Variants in DNAH10 observed in about 807,000 individuals in gnomAD.
DNAH10 encodes the protein axonemal beta dynein heavy chain 10.
A neutral mutation model predicts 506.6 loss-of-function variants in DNAH10; 348 were observed. The ratio of observed to expected loss-of-function variants is 0.69; its 90% CI spans 0.63 to 0.75. DNAH10 has a LOEUF of 0.75. Among genes scored for constraint, DNAH10 ranks in the 30% least tolerant of loss-of-function variants. The pLI is 0.00. For synonymous variants in DNAH10, 2,059 were observed against 2,198.6 expected (o/e 0.94, Z 1.78); for missense variants, 5,179 against 5,787.1 (o/e 0.89, Z 3.41).
chr12:123,924,023 C>A, intron 66 of DNAH10, 156 bp downstream of exon 66: 1 of 731,614 alleles, frequency 1.4e-6, no homozygotes, highest in Non-Finnish European at 2.2e-6. Context: ...ATCATTCCAG[C>A]CTCAGAAATG....
At chr12:123,815,737 A>G (rs1227377425) in intron 21 of DNAH10, among the ~76,000 whole-genome samples, 1 of 152,216 alleles carries the variant, frequency 6.6e-6, no homozygotes, top group Non-Finnish European at 1.5e-5. Flanking sequence ...TCAATGGGCA[A>G]TTCCATAATT....
At chr12:123,875,597 A>G (rs1001182152) in intron 47 of DNAH10, 106 bp downstream of exon 47, 15 of 1,378,260 alleles carry the variant, frequency 1.1e-5, no homozygotes, top group South Asian at 9.4e-5. Context: ...AGGGCCCTCA[A>G]TACTTTTAAG....
chr12:123,914,205 C>G (rs1954357794), intron 60 of DNAH10, 124 bp from the exon 61 acceptor site: 1 of 861,846 alleles, frequency 1.2e-6, no homozygotes, highest in Admixed American at 2.8e-5. Flanking sequence ...GAAAGAATAT[C>G]TCAAAACATG....
chr12:123,931,502 TTTGA>T lies in DNAH10; in HGVS notation c.12916+34_12916+37del, dbSNP rs1187308858. 3.7e-6 allele frequency: 6 copies of T among 1,610,498 alleles called. No individual in the cohort carries two copies. In the South Asian group the frequency reaches 4.4e-5, roughly 12 times the overall value. Reference sequence around the variant, plus strand: ...ACTCTACTCAGGAGGACTTCATTAGTTTGATTGGGGTTTTACGATTGCTTCTTGT... The same window carrying T: ...ACTCTACTCAGGAGGACTTCATTAGTTTGGGGTTTTACGATTGCTTCTTGT... On this transcript the variant is annotated intron_variant, in intron 74 of 78. Transcript: ENST00000673944.
In DNAH10 at chr12:123,857,199, G is replaced by T; in HGVS notation, c.6582G>T (p.Ala2194=). Residue 2194 remains alanine, a synonymous_variant, in exon 37 of 79, where the codon GCG becomes GCT. Transcript: ENST00000673944. ...TCCGCTACCCTGACTTCAACGATGCGGTAGAGCAGGTCCTGGAGGAGAACG... is the reference window on the plus strand; with the variant it reads ...TCCGCTACCCTGACTTCAACGATGCTGTAGAGCAGGTCCTGGAGGAGAACG... ...PRVRYPDFND[A]VEQVLEENGY... is the part of the protein sequence containing the mutation. 1.2e-6 allele frequency: 2 copies of T among 1,608,340 alleles called. No homozygotes were observed. The highest frequency in any genetic ancestry group is 1.1e-5 in the South Asian group (1 of 89,874).
intron 62 of DNAH10, among the ~76,000 whole-genome samples, chr12:123,915,941 A>G (rs908077913): frequency 1.3e-5 from 2 of 150,322 alleles, no homozygotes; most frequent in African/African-American, 2.5e-5. Context: ...TGAACAAATT[A>G]ATTATTTTCA....
At position 123,838,591 on chromosome 12, in the gene DNAH10, A is replaced by G. The variant is rs1950652259; in HGVS notation, c.5038A>G (p.Arg1680Gly). The change falls in exon 29 of 79, where the codon AGA (arginine) becomes GGA (glycine). Residue 1680 changes from arginine to glycine, a missense_variant. Physicochemically the swap from Arg to Gly is moderately radical, Grantham distance 125. This residue lies in a region of DNAH10 where 4,844 missense variants were observed against 5,430.5 expected (regional missense o/e 0.89). Transcript: ENST00000673944. ...KSLNDYLDSK[R>G]NAFPRFFFIS... ...CCTCAACGACTACTTAGATTCGAAG[A>G]GAAATGCTTTCCCAAGGTTCTTCTT... 6.2e-7 allele frequency: 1 copy of G among 1,613,936 alleles called. No homozygotes were observed. Among genetic ancestry groups the G allele is most frequent in the African/African-American group, 1.3e-5 (1 of 74,940 alleles).
chr12:123,796,045 C>A (rs1220962799), intron 12 of DNAH10, among the ~76,000 whole-genome samples: 1 of 152,086 alleles, frequency 6.6e-6, no homozygotes, highest in African/African-American at 2.4e-5. Context: ...CAAAGGTCTG[C>A]CACTGTGGTC....
rs1446706346 is a variant in DNAH10, at chr12:123,899,784, G to A, written c.9640+970G>A. Among the ~76,000 whole-genome samples the A allele has an allele frequency of 8.5e-5, 13 of 152,322 alleles. No homozygotes were observed. The South Asian group carries it at 2.1e-3, about 24-fold the overall frequency. On this transcript the variant is annotated intron_variant, in intron 56 of 78. Transcript: ENST00000673944. ...AGCCCAGATCCCTGAGGCGCCTCTA[G>A]TTTATGTGTTTCAGCATCTTCCATG...
intron 1 of DNAH10, among the ~76,000 whole-genome samples, chr12:123,765,796 CATCT>C (rs1241315400): frequency 3.1e-5 from 4 of 130,886 alleles, no homozygotes; most frequent in South Asian, 4.5e-4. Context: ...TCTGTCTATA[CATCT>C]ATCTACCTAC....
At chr12:123,905,919 T>C (rs1184780044) in intron 57 of DNAH10, among the ~76,000 whole-genome samples, 1 of 152,084 alleles carries the variant, frequency 6.6e-6, no homozygotes, top group Admixed American at 6.5e-5. Context: ...ATATTTTATT[T>C]TGTGGCTTTT....
rs201971043 is a variant in DNAH10 at position 123,774,057 on chromosome 12, GGAA to G, written c.506-87_506-85del. On this transcript the variant is annotated intron_variant, in intron 4 of 78. Coordinates refer to ENST00000673944, the MANE Select transcript of DNAH10 (RefSeq NM_001372106.1). Reference sequence around the variant, plus strand: ...CCAGAACATTCCTTGTAGCAGCTTGGGAAGAAGGAGAAGATTCCTGTTCTCTTG... The same window carrying G: ...CCAGAACATTCCTTGTAGCAGCTTGGGAAGGAGAAGATTCCTGTTCTCTTG... The G allele has an allele frequency of 2.3e-5, 19 of 818,454 alleles. No homozygotes were observed. The African/African-American group carries it at 2.7e-4, about 12-fold the overall frequency. 50.7% of individuals were successfully genotyped at this position (818,454 alleles called of 1,614,324 possible). A position where few individuals can be genotyped will look rare whatever the true frequency, so the allele number is the denominator to read the frequency against.
chr12:123,855,502 C>T (rs1470055199), intron 36 of DNAH10, among the ~76,000 whole-genome samples: 1 of 151,708 alleles, frequency 6.6e-6, no homozygotes, highest in Non-Finnish European at 1.5e-5. Flanking sequence ...GCTGTGGTGG[C>T]ACACTTCTAT....
chr12:123,849,403 CTTGAGT>C (rs768575170), intron 34 of DNAH10, among the ~76,000 whole-genome samples: 9 of 152,206 alleles, frequency 5.9e-5, no homozygotes, highest in Non-Finnish European at 1.0e-4. Flanking sequence ...TGTTTGCAGA[CTTGAGT>C]TTGAGAAGTC....
chr12:123,902,149 C>T lies in DNAH10; in HGVS notation c.9641-790C>T, dbSNP rs1953550022. ...AGCGTCTGTCTCCATTGCCACACGC[C>T]CCTCTTCCCTGTGTGTCTGCACATG... On this transcript the variant is annotated intron_variant, in intron 56 of 78. Coordinates refer to ENST00000673944, the MANE Select transcript of DNAH10 (RefSeq NM_001372106.1). This position sits in a 1 kb window ranked among gnomAD's most constrained non-coding sequence, Gnocchi z 4.5. 6.6e-6 allele frequency among the ~76,000 whole-genome samples: 1 copy of T among 152,200 alleles called. No individual in the cohort carries two copies. The highest frequency in any genetic ancestry group is 1.5e-5 in the Non-Finnish European group (1 of 68,046).
chr12:123,813,339 A>G lies in DNAH10; in HGVS notation c.3320A>G (p.Tyr1107Cys), dbSNP rs745651773. The stretch of plus-strand genomic sequence containing the variant: ...AGGATTCTGATCAATCTTATGAAGT[A>G]TCTACAAAAATGGAAGCGGTATCGA... ...VHRILINLMK[Y>C]LQKWKRYRPL... is the part of the protein sequence containing the mutation. The change falls in exon 20 of 79, where the codon TAT (tyrosine) becomes TGT (cysteine). Residue 1107 changes from tyrosine (Y) to cysteine (C), a missense_variant. Coordinates refer to ENST00000673944, the MANE Select transcript of DNAH10 (RefSeq NM_001372106.1). The G allele has an allele frequency of 1.2e-6, 2 of 1,614,268 alleles. No individual in the cohort carries two copies. The highest frequency in any genetic ancestry group is 1.7e-6 in the Non-Finnish European group (2 of 1,180,054).
rs1955462080 is a variant in DNAH10, at chr12:123,935,604, TG to T, written c.*124del. The T allele has an allele frequency of 9.4e-7, 1 of 1,069,282 alleles. No individual in the cohort carries two copies. Among genetic ancestry groups the T allele is most frequent in the East Asian group, 2.4e-5 (1 of 41,526 alleles). The allele number at this position is 1,069,282 out of a possible 1,614,324, so 66.2% of individuals were successfully genotyped here. A position where few individuals can be genotyped will look rare whatever the true frequency, so the allele number is the denominator to read the frequency against. The stretch of plus-strand genomic sequence containing the variant: ...GGGGGACTGACACTGATTTTTCATT[TG>T]AAATCAGCCACTTAAATCTCTTTCC... On this transcript the variant is annotated 3_prime_UTR_variant, in exon 79 of 79. Coordinates refer to ENST00000673944, the MANE Select transcript of DNAH10 (RefSeq NM_001372106.1).
At chr12:123,870,903 C>G (rs900749351) in intron 44 of DNAH10, among the ~76,000 whole-genome samples, 5 of 152,190 alleles carry the variant, frequency 3.3e-5, no homozygotes, top group African/African-American at 1.2e-4. Context: ...CCTACTGAAC[C>G]ACACTTAGAA....
chr12:123,781,212 C>T lies in DNAH10; in HGVS notation c.754C>T (p.His252Tyr). The part of the protein sequence containing the change: ...PPMPGEAVEY[H>Y]SIQLIRDEFL... ...CATGCCTGGGGAGGCAGTAGAATAT[C>T]ACAGTATTCAATTAATACGGGATGA... Residue 252 changes from histidine to tyrosine, a missense_variant, in exon 6 of 79, where the codon CAC (histidine) becomes TAC (tyrosine). His to Tyr is a moderately conservative substitution (Grantham distance 83). This residue lies in a region of DNAH10 where 326 missense variants were observed against 330.8 expected (regional missense o/e 0.99). Coordinates refer to ENST00000673944, the MANE Select transcript of DNAH10 (RefSeq NM_001372106.1). The T allele has an allele frequency of 6.2e-7, 1 of 1,614,090 alleles. No individual in the cohort carries two copies.
Sources: allele counts gnomAD v4.1 joint callset (sites outside exome capture counted in the v4.1 genomes callset), GRCh38; gene constraint gnomAD v4.1.1; regional missense constraint gnomAD v4.1.1; non-coding constraint Gnocchi (gnomAD v3.1); transcripts MANE v1.5; gene names NCBI Gene and HGNC (gene_info 2026-07-23, HGNC 2026-07-21).